The following ICA1 variants were observed in gnomAD, a reference collection of about 807,000 sequenced individuals.
ICA1 encodes the protein 69 kDa islet cell autoantigen.
ICA1 carries 40 observed loss-of-function variants against 71.0 expected under a neutral mutation model. The observed-to-expected ratio is 0.56, with a 90% CI of 0.44 to 0.73. The LOEUF (loss-of-function observed/expected upper bound fraction) is 0.73, where lower values mean the gene tolerates loss of function less well. ICA1 is among the 30% of genes least tolerant of loss of function. The pLI is 0.00. For synonymous variants in ICA1, 207 were observed against 209.5 expected (o/e 0.99, Z 0.10); for missense variants, 578 against 576.5 (o/e 1.00, Z -0.03).
intron 6 of ICA1, among the ~76,000 whole-genome samples, chr7:8,206,261 T>C (rs1348865527): frequency 6.6e-6 from 1 of 152,122 alleles, no homozygotes; most frequent in Non-Finnish European, 1.5e-5. Flanking sequence ...CTAGTTTTGA[T>C]CCTTCCATCC....
intron 8 of ICA1, among the ~76,000 whole-genome samples, chr7:8,152,531 T>A (rs1048801131): frequency 1.3e-4 from 17 of 127,736 alleles, no homozygotes; most frequent in African/African-American, 2.8e-4. Context: ...CCTCTTTCAC[T>A]ACTGCTATTA....
rs768609861 is a variant in ICA1 at position 8,113,952 on chromosome 7, C to T, written c.1423G>A (p.Asp475Asn). The part of the protein sequence containing the change: ...LSNPDAVGKT[D>N]KEHELLNA ...GCATTGAGCAATTCGTGTTCTTTAT[C>T]GGTTTTCCCAACAGCATCAGGATTT... Residue 475 changes from aspartate to asparagine, a missense_variant, in exon 14 of 14, where the codon GAT becomes AAT. By Grantham distance (23) the Asp-to-Asn change is conservative. Transcript: ENST00000402384. This position sits in a 1 kb window ranked among gnomAD's most constrained non-coding sequence, Gnocchi z 4.2. The T allele has an allele frequency of 8.7e-6, 14 of 1,614,170 alleles. No homozygotes were observed. Among genetic ancestry groups the T allele is most frequent in the East Asian group, 6.7e-5 (3 of 44,878 alleles).
At chr7:8,158,462 C>T (rs1251274353) in intron 7 of ICA1, 65 bp downstream of exon 7, 12 of 1,579,502 alleles carry the variant, frequency 7.6e-6, no homozygotes, top group African/African-American at 4.1e-5. Flanking sequence ...AGCTCAAACA[C>T]CATTTTGATG....
chr7:8,241,572 C>G (rs909829925), intron 1 of ICA1, among the ~76,000 whole-genome samples: 1 of 121,822 alleles, frequency 8.2e-6, no homozygotes, highest in Non-Finnish European at 1.7e-5. Context: ...ACAATATTAA[C>G]CTTATTGTAA....
At chr7:8,230,500 A>T (rs557855139) in intron 3 of ICA1, among the ~76,000 whole-genome samples, 1 of 152,362 alleles carries the variant, frequency 6.6e-6, no homozygotes, top group East Asian at 1.9e-4. Context: ...AGAAACCTCT[A>T]TCATGTGCTA....
intron 6 of ICA1, among the ~76,000 whole-genome samples, chr7:8,165,444 T>A (rs1215412899): frequency 6.6e-6 from 1 of 152,216 alleles, no homozygotes; most frequent in African/African-American, 2.4e-5. Flanking sequence ...CTTCTCAGCA[T>A]TCCCCTTGAA....
intron 6 of ICA1, among the ~76,000 whole-genome samples, chr7:8,213,535 G>A (rs1446808978): frequency 1.3e-5 from 2 of 152,196 alleles, no homozygotes; most frequent in South Asian, 2.1e-4. Flanking sequence ...TGAGATGGTT[G>A]AGCAGTGACA....
In ICA1 at chr7:8,226,922, C is replaced by T. The variant is rs1204299360; in HGVS notation, c.256+1679G>A. ...ATATTCTTTTAGAAACACTAATATA[C>T]GTAGGAAGCATAATTTCTGTTTAGA... On this transcript the variant is annotated intron_variant, in intron 4 of 13. Coordinates refer to ENST00000402384, the MANE Select transcript of ICA1 (RefSeq NM_001136020.3). The surrounding 1 kb of genome is among the most constrained non-coding windows in gnomAD (Gnocchi z 4.4). 2.0e-5 allele frequency among the ~76,000 whole-genome samples: 3 copies of T among 152,044 alleles called. No homozygotes were observed. The highest frequency in any genetic ancestry group is 4.8e-5 in the African/African-American group (2 of 41,374).
At chr7:8,209,389 T>C (rs532154464) in intron 6 of ICA1, among the ~76,000 whole-genome samples, 16 of 152,302 alleles carry the variant, frequency 1.1e-4, no homozygotes, top group African/African-American at 3.8e-4. Context: ...GAACAGAAAT[T>C]ATGAATTAGT....
chr7:8,208,535 T>C (rs1792446228), intron 6 of ICA1, among the ~76,000 whole-genome samples: 1 of 152,110 alleles, frequency 6.6e-6, no homozygotes, highest in Non-Finnish European at 1.5e-5. Context: ...ATGGTAAAAA[T>C]TACAACATTT....
At chr7:8,156,734 A>G (rs899339585) in intron 8 of ICA1, 6 of 1,190,602 alleles carry the variant, frequency 5.0e-6, no homozygotes, top group Admixed American at 3.5e-5. Flanking sequence ...TATAATAATT[A>G]AAAGTAACTG....
rs1414325782 is a variant in ICA1 at position 8,158,154 on chromosome 7, T to C, written c.705+373A>G. Among the ~76,000 whole-genome samples the C allele has an allele frequency of 2.0e-5, 3 of 152,148 alleles. No homozygotes were observed. In the East Asian group the frequency reaches 5.8e-4, roughly 29 times the overall value. ...TACTGACAACCTGATGAGAAAGATATGCCACGAGATGGACAGACACAACGC... is the reference window on the plus strand; with the variant it reads ...TACTGACAACCTGATGAGAAAGATACGCCACGAGATGGACAGACACAACGC... On this transcript the variant is annotated intron_variant, in intron 7 of 13. Coordinates refer to ENST00000402384, the MANE Select transcript of ICA1 (RefSeq NM_001136020.3).
rs1801933599 is a variant in ICA1, at chr7:8,157,224, A to G, written c.706-10T>C. On this transcript the variant is annotated splice_polypyrimidine_tract_variant and intron_variant, in intron 7 of 13. Transcript: ENST00000402384. ...AATGAAGCAGAGTGGTCTGCAAAGA[A>G]AGACAGTAAAGCTATTAATGTTTTG... is the stretch of plus-strand genomic sequence containing the variant. 3 of 1,592,300 alleles carry G rather than the reference A, an allele frequency of 1.9e-6. No individual in the cohort carries two copies. The South Asian group carries it at 3.5e-5, about 18-fold the overall frequency.
At chr7:8,126,164 A>G (rs1789093970) in intron 13 of ICA1, among the ~76,000 whole-genome samples, 1 of 152,320 alleles carries the variant, frequency 6.6e-6, no homozygotes, top group African/African-American at 2.4e-5. Context: ...CACAGTTGCA[A>G]CCATTCCCTG....
upstream of ICA1, chr7:8,262,216 C>G (rs938576353): frequency 6.6e-6 from 1 of 152,106 alleles, no homozygotes; most frequent in Non-Finnish European, 1.5e-5. Context: ...GGAACCGGCC[C>G]TTCCTGCGGC....
At chr7:8,159,254 T>C (rs1018607139) in intron 6 of ICA1, among the ~76,000 whole-genome samples, 1 of 152,218 alleles carries the variant, frequency 6.6e-6, no homozygotes, top group East Asian at 1.9e-4. Context: ...GATGAAACTT[T>C]TTACTACTGA....
intron 1 of ICA1, among the ~76,000 whole-genome samples, chr7:8,247,973 G>C (rs571590978): frequency 6.6e-6 from 1 of 152,174 alleles, no homozygotes; most frequent in Non-Finnish European, 1.5e-5. Flanking sequence ...TTATCAGGCA[G>C]CAACTTGGTA....
At chr7:8,200,022 ATAATT>A (rs1184065689) in intron 6 of ICA1, among the ~76,000 whole-genome samples, 2 of 152,214 alleles carry the variant, frequency 1.3e-5, no homozygotes, top group African/African-American at 4.8e-5. Flanking sequence ...ACAGTGAATA[ATAATT>A]TAATTGTACA....
chr7:8,206,716 T>C (rs10952098), intron 6 of ICA1, among the ~76,000 whole-genome samples: 145,164 of 146,846 alleles, frequency 0.99, 71,755 homozygotes, highest in Middle Eastern at 1. Context: ...TGGATCTTTC[T>C]CCCACAGGTT....
Sources: allele counts gnomAD v4.1 joint callset (sites outside exome capture counted in the v4.1 genomes callset), GRCh38; gene constraint gnomAD v4.1.1; non-coding constraint Gnocchi (gnomAD v3.1); transcripts MANE v1.5; gene names NCBI Gene and HGNC (gene_info 2026-07-23, HGNC 2026-07-21).